NCKAP5: variants seen among roughly 807,000 people sequenced by gnomAD.
NCKAP5 encodes the protein NCK associated protein 5.
NCKAP5 carries 92 observed loss-of-function variants against 167.0 expected under a neutral mutation model. That is an observed-to-expected ratio of 0.55 (90% confidence interval 0.47 to 0.66). The LOEUF (loss-of-function observed/expected upper bound fraction) is 0.66, where lower values mean the gene tolerates loss of function less well. Among genes scored for constraint, NCKAP5 ranks in the 30% least tolerant of loss-of-function variants. NCKAP5 has a pLI of 0.00. For missense variants in NCKAP5, 2,378 were observed against 2,315.0 expected (o/e 1.03, Z -0.56); for synonymous variants, 891 against 877.4 (o/e 1.02, Z -0.27).
chr2:132,769,085 T>C (rs925517438), intron 16 of NCKAP5, among the ~76,000 whole-genome samples: 4 of 151,786 alleles, frequency 2.6e-5, no homozygotes, highest in African/African-American at 7.3e-5. Flanking sequence ...GCTGGGACTA[T>C]AGACACATGC....
chr2:133,618,856 G>T, the NCKAP5 span, among the ~76,000 whole-genome samples: 6 of 132,352 alleles, frequency 4.5e-5, no homozygotes, highest in African/African-American at 1.1e-4. Flanking sequence ...ACATGCACAC[G>T]TATGTTTATT....
intron 19 of NCKAP5, among the ~76,000 whole-genome samples, chr2:132,696,343 A>G (rs985994599): frequency 3.7e-4 from 57 of 152,346 alleles, no homozygotes; most frequent in African/African-American, 1.3e-3. Context: ...TGAGCAGTTA[A>G]TGCTATTATT....
In NCKAP5 at chr2:133,374,025, T is replaced by C. The variant is rs538288008; in HGVS notation, c.70-70915A>G. ...ATGCCTGGGTATTTACCCAAAGGAA[T>C]TGAAAACTTATGTCCATACCAAAAC... On this transcript the variant is annotated intron_variant, in intron 3 of 19. Coordinates refer to ENST00000409261, the MANE Select transcript of NCKAP5 (RefSeq NM_207363.3). Among the ~76,000 whole-genome samples, 5 of 152,336 alleles carry C rather than the reference T, an allele frequency of 3.3e-5. No individual in the cohort carries two copies. In the East Asian group the frequency reaches 9.6e-4, roughly 29 times the overall value.
intron 7 of NCKAP5, among the ~76,000 whole-genome samples, chr2:132,967,162 TACAC>T (rs149896546): frequency 0.34 from 48,746 of 141,650 alleles, 9,521 homozygotes; most frequent in Non-Finnish European, 0.48. Flanking sequence ...TGCCCTATCG[TACAC>T]ACACACACAC....
At chr2:133,524,634 C>T (rs1358479818) in intron 2 of NCKAP5, among the ~76,000 whole-genome samples, 1 of 152,160 alleles carries the variant, frequency 6.6e-6, no homozygotes, top group Non-Finnish European at 1.5e-5. Context: ...CCACTGCTCT[C>T]CATGTGCACC....
intron 8 of NCKAP5, among the ~76,000 whole-genome samples, chr2:132,887,319 T>TTATC (rs142083213): frequency 0.067 from 9,369 of 140,836 alleles, 347 homozygotes; most frequent in African/African-American, 0.076. Flanking sequence ...AACTTTTATT[T>TTATC]TATCTATCTA....
At chr2:132,926,474 C>T (rs1447628913) in intron 8 of NCKAP5, among the ~76,000 whole-genome samples, 3 of 152,102 alleles carry the variant, frequency 2.0e-5, no homozygotes, top group Non-Finnish European at 2.9e-5. Flanking sequence ...TCTGTAGTGA[C>T]CTACTTTCCC....
At chr2:133,456,229 C>T (rs1691851234) in intron 3 of NCKAP5, among the ~76,000 whole-genome samples, 2 of 152,146 alleles carry the variant, frequency 1.3e-5, no homozygotes, top group African/African-American at 4.8e-5. Flanking sequence ...TAGCAATCTA[C>T]CCAACTGCAA....
chr2:132,721,795 G>A (rs911625324), intron 19 of NCKAP5, among the ~76,000 whole-genome samples: 2 of 152,184 alleles, frequency 1.3e-5, no homozygotes, highest in African/African-American at 4.8e-5. Context: ...TGGCTGTCAG[G>A]GTGTGCGAGG....
At chr2:132,875,630 G>T (rs1691204575) in intron 9 of NCKAP5, among the ~76,000 whole-genome samples, 1 of 152,152 alleles carries the variant, frequency 6.6e-6, no homozygotes, top group South Asian at 2.1e-4. Context: ...CTTTACATGG[G>T]AATAGTAGGT....
intron 5 of NCKAP5, among the ~76,000 whole-genome samples, chr2:133,132,320 G>A (rs1439021464): frequency 6.6e-6 from 1 of 150,622 alleles, no homozygotes; most frequent in East Asian, 1.9e-4. Context: ...GTTTTGCAGA[G>A]AAAACAGCAT....
chr2:132,846,360 C>G lies in NCKAP5; in HGVS notation c.807+14132G>C, dbSNP rs185327286. On this transcript the variant is annotated intron_variant, in intron 11 of 19. Transcript: ENST00000409261. Reference sequence around the variant, plus strand: ...TTGAGATACAGTCTCACTCTGTCACCTTGGCATGATTTCGGCTCATTGCAG... The same window carrying G: ...TTGAGATACAGTCTCACTCTGTCACGTTGGCATGATTTCGGCTCATTGCAG... 2.6e-5 allele frequency among the ~76,000 whole-genome samples: 4 copies of G among 152,100 alleles called. No homozygotes were observed. In the East Asian group the frequency reaches 7.7e-4, roughly 29 times the overall value.
At chr2:133,132,518 A>ACACAC (rs1559173963) in intron 5 of NCKAP5, among the ~76,000 whole-genome samples, 5 of 110,472 alleles carry the variant, frequency 4.5e-5, no homozygotes, top group African/African-American at 1.6e-4. Flanking sequence ...CACACACACA[A>ACACAC]ACCCTGATAA....
chr2:133,308,932 G>A (rs553483309), intron 3 of NCKAP5, among the ~76,000 whole-genome samples: 11 of 148,970 alleles, frequency 7.4e-5, no homozygotes, highest in African/African-American at 2.0e-4. Flanking sequence ...GGATGGTCTC[G>A]ATCTCCTGAC....
At chr2:133,580,477 G>A in the NCKAP5 span, among the ~76,000 whole-genome samples, 1 of 152,066 alleles carries the variant, frequency 6.6e-6, no homozygotes, top group African/African-American at 2.4e-5. Flanking sequence ...CTGCACCGTG[G>A]GGTGCTAAGA....
chr2:133,505,640 A>G (rs1042829209), intron 3 of NCKAP5, among the ~76,000 whole-genome samples: 1 of 152,182 alleles, frequency 6.6e-6, no homozygotes, highest in African/African-American at 2.4e-5. Flanking sequence ...AAGGCAGGTG[A>G]CATGGCCAAA....
chr2:133,192,138 C>T (rs183021900), intron 5 of NCKAP5, among the ~76,000 whole-genome samples: 255 of 152,038 alleles, frequency 1.7e-3, no homozygotes, highest in African/African-American at 5.6e-3. Flanking sequence ...CAGAAATACA[C>T]CTGCATGAAT....
the NCKAP5 span, among the ~76,000 whole-genome samples, chr2:133,590,995 C>T: frequency 3.3e-5 from 5 of 151,858 alleles, no homozygotes; most frequent in South Asian, 2.1e-4. Context: ...GTGAGTGGCA[C>T]GGGTTGTGTG....
At chr2:133,018,825 A>G (rs2078432225) in intron 6 of NCKAP5, among the ~76,000 whole-genome samples, 1 of 152,234 alleles carries the variant, frequency 6.6e-6, no homozygotes, top group Admixed American at 6.5e-5. Flanking sequence ...TATCTCAAAA[A>G]GAAGCCAGTT....
Sources: allele counts gnomAD v4.1 joint callset (sites outside exome capture counted in the v4.1 genomes callset), GRCh38; gene constraint gnomAD v4.1.1; transcripts MANE v1.5; gene names NCBI Gene and HGNC (gene_info 2026-07-23, HGNC 2026-07-21).